The following TRIM66 variants were observed in gnomAD, a reference collection of about 807,000 sequenced individuals.
TRIM66 encodes the protein tripartite motif containing 66.
Under a neutral mutation model 148.2 loss-of-function variants are expected in TRIM66, and 99 were observed. That is an observed-to-expected ratio of 0.67 (90% confidence interval 0.57 to 0.79). The LOEUF is 0.79. Among genes scored for constraint, TRIM66 ranks in the 30% least tolerant of loss-of-function variants. The pLI, the probability that TRIM66 is intolerant of heterozygous loss-of-function variation, is 0.00. For synonymous variants in TRIM66, 616 were observed against 635.9 expected (o/e 0.97, Z 0.47); for missense variants, 1,666 against 1,697.9 (o/e 0.98, Z 0.33).
chr11:8,627,168 C>T (rs113431845), intron 15 of TRIM66, among the ~76,000 whole-genome samples: 2,618 of 152,240 alleles, frequency 0.017, 84 homozygotes, highest in African/African-American at 0.061. Flanking sequence ...CATTAGGGTA[C>T]GGATTTTTAT....
At chr11:8,644,600 CT>C (rs1263582529) in intron 12 of TRIM66, among the ~76,000 whole-genome samples, 1 of 152,168 alleles carries the variant, frequency 6.6e-6, no homozygotes, top group Admixed American at 6.5e-5. Flanking sequence ...CTTCCTCCTG[CT>C]TTCTCAGTGT....
chr11:8,621,831 C>G lies in TRIM66; in HGVS notation c.3081-12G>C, dbSNP rs775097664. 6.5e-7 allele frequency: 1 copy of G among 1,532,452 alleles called. No individual in the cohort carries two copies. Among genetic ancestry groups the G allele is most frequent in the Non-Finnish European group, 8.8e-7 (1 of 1,138,974 alleles). 94.9% of individuals were successfully genotyped at this position (1,532,452 alleles called of 1,614,324 possible). On this transcript the variant is annotated splice_polypyrimidine_tract_variant and intron_variant, in intron 18 of 24. Coordinates refer to ENST00000646038, the MANE Select transcript of TRIM66 (RefSeq NM_001388022.1). ...CACTATTGAAGGCTCTGCAGCAAGA[C>G]AGACACCCCGGGGTCTTGGTGGGAT... is the stretch of plus-strand genomic sequence containing the variant.
At chr11:8,646,401 G>A (rs111384522) in intron 11 of TRIM66, 46 bp downstream of exon 11, 19 of 1,471,006 alleles carry the variant, frequency 1.3e-5, no homozygotes, top group East Asian at 7.4e-5. Flanking sequence ...CTTGATATAT[G>A]GATGGTTTCT....
chr11:8,674,045 A>G (rs1592213277), intron 4 of TRIM66, among the ~76,000 whole-genome samples: 2 of 152,380 alleles, frequency 1.3e-5, no homozygotes, highest in Non-Finnish European at 2.9e-5. Context: ...AAACAGCCAT[A>G]GCAGCAGCAT....
intron 15 of TRIM66, among the ~76,000 whole-genome samples, chr11:8,628,696 C>G (rs1162084406): frequency 4.6e-5 from 7 of 150,696 alleles, no homozygotes; most frequent in Non-Finnish European, 1.0e-4. Context: ...TTGTCTCCCT[C>G]CATACCTCTC....
At chr11:8,622,456 C>G (rs899911353) in intron 18 of TRIM66, among the ~76,000 whole-genome samples, 48 of 149,674 alleles carry the variant, frequency 3.2e-4, no homozygotes, top group African/African-American at 1.2e-3. Flanking sequence ...TCCAGATCCT[C>G]TTGGATTTGG....
In TRIM66 at chr11:8,614,052, G is replaced by C. The variant is rs1177509641; in HGVS notation, c.*3892C>G. 2.0e-5 allele frequency: 3 copies of C among 152,416 alleles called. No individual in the cohort carries two copies. The highest frequency in any genetic ancestry group is 4.4e-5 in the Non-Finnish European group (3 of 68,246). 9.4% of individuals were successfully genotyped at this position (152,416 alleles called of 1,614,324 possible). A position where few individuals can be genotyped will look rare whatever the true frequency, so the allele number is the denominator to read the frequency against. On this transcript the variant is annotated 3_prime_UTR_variant, in exon 25 of 25. Transcript: ENST00000646038. ...TGATAGTTTCAGCAAAATTGAAGGG[G>C]ATACGCCTGGCGCAGTGGCTCACGC...
intron 17 of TRIM66, among the ~76,000 whole-genome samples, 164 bp from the exon 18 acceptor site, chr11:8,623,040 C>T (rs1333197417): frequency 6.6e-6 from 1 of 152,168 alleles, no homozygotes; most frequent in Non-Finnish European, 1.5e-5. Context: ...ACAAGTCTGC[C>T]GTGGATCTCC....
At chr11:8,641,824 TC>T (rs1047774378) in intron 13 of TRIM66, among the ~76,000 whole-genome samples, 15 of 152,122 alleles carry the variant, frequency 9.9e-5, no homozygotes, top group African/African-American at 3.4e-4. Context: ...AGACCTGATT[TC>T]TTTAAAGTGT....
chr11:8,649,961 A>AC, intron 7 of TRIM66, 74 bp from the exon 8 acceptor site: 1 of 1,496,456 alleles, frequency 6.7e-7, no homozygotes, highest in Middle Eastern at 1.7e-4. Flanking sequence ...TAAATGCTCT[A>AC]AAGACAGGGG....
In TRIM66 at chr11:8,616,379, G is replaced by C. The variant is rs10769933; in HGVS notation, c.*1565C>G. 121,356 of 152,222 alleles carry C rather than the reference G, an allele frequency of 0.8. 48,519 individuals are homozygous for C. Among genetic ancestry groups the C allele is most frequent in the South Asian group, 0.83 (4,028 of 4,824 alleles). 9.4% of individuals were successfully genotyped at this position (152,222 alleles called of 1,614,324 possible). On this transcript the variant is annotated 3_prime_UTR_variant, in exon 25 of 25. Transcript: ENST00000646038. ...ACAAGAACATCCTTGAACTTCATCT[G>C]TTAGCAAAAATAAAGCCATGACCTC... is the stretch of plus-strand genomic sequence containing the variant.
At chr11:8,618,100 G>A (rs1038911586) in intron 24 of TRIM66, 97 bp from the exon 25 acceptor site, 8 of 1,190,030 alleles carry the variant, frequency 6.7e-6, no homozygotes, top group Admixed American at 4.0e-5. Context: ...CCAAGTCAAC[G>A]TATTTTATTC....
rs1308949662 is a variant in TRIM66, at chr11:8,613,830, G to A, written c.*4114C>T. The A allele has an allele frequency of 6.6e-6, 1 of 152,192 alleles. No individual in the cohort carries two copies. Among genetic ancestry groups the A allele is most frequent in the Non-Finnish European group, 1.5e-5 (1 of 68,054 alleles). 9.4% of individuals were successfully genotyped at this position (152,192 alleles called of 1,614,324 possible). On this transcript the variant is annotated 3_prime_UTR_variant, in exon 25 of 25. Transcript: ENST00000646038. ...TGCTTTAGGGGCTGTCTTCTGTGAA[G>A]TAGACAGTGAGCTCAGTCATTTGTG...
intron 6 of TRIM66, among the ~76,000 whole-genome samples, chr11:8,657,629 T>A (rs1401845029): frequency 6.6e-6 from 1 of 152,074 alleles, no homozygotes; most frequent in Non-Finnish European, 1.5e-5. Context: ...ACACTCTAGT[T>A]GTATCCTCTG....
At position 8,668,669 on chromosome 11, in the gene TRIM66, T is replaced by C. The variant is rs546081738; in HGVS notation, c.340+3117A>G. Among the ~76,000 whole-genome samples the C allele has an allele frequency of 7.9e-5, 12 of 152,012 alleles. No homozygotes were observed. In the South Asian group the frequency reaches 1.0e-3, roughly 13 times the overall value. ...GGTGCCATCTCGGCTCACTGCAATC[T>C]CCGCCTCCCGGGTTCACACCATTGT... On this transcript the variant is annotated intron_variant, in intron 6 of 24. Transcript: ENST00000646038.
rs1488876736 is a variant in TRIM66 at position 8,618,776 on chromosome 11, G to C, written c.4093C>G (p.Gln1365Glu). The C allele has an allele frequency of 6.4e-7, 1 of 1,550,850 alleles. No individual in the cohort carries two copies. The highest frequency in any genetic ancestry group is 8.7e-7 in the Non-Finnish European group (1 of 1,146,810). Residue 1365 changes from glutamine (Q) to glutamate (E), a missense_variant, in exon 24 of 25, where the codon CAA becomes GAA. Transcript: ENST00000646038. ...PWPPYMQEGI[Q>E]PKRRRRHMEN... The stretch of plus-strand genomic sequence containing the variant: ...ATATGTCGTCGCCGCCTCTTGGGTT[G>C]GATGCCCTCCTGCATGTAGGGAGGC...
At chr11:8,645,971 G>T in intron 11 of TRIM66, 84 bp from the exon 12 acceptor site, 1 of 1,343,226 alleles carries the variant, frequency 7.4e-7, no homozygotes, top group Non-Finnish European at 1.0e-6. Flanking sequence ...GCTTGTGTGT[G>T]TCACTGATGG....
At position 8,621,789 on chromosome 11, in the gene TRIM66, A is replaced by G. The variant is rs1376078996; in HGVS notation, c.3111T>C (p.Tyr1037=). The G allele has an allele frequency of 6.5e-6, 10 of 1,550,146 alleles. No individual in the cohort carries two copies. The highest frequency in any genetic ancestry group is 7.8e-6 in the Non-Finnish European group (9 of 1,146,518). ...AGATCTTGAGTCGCTCCAGTCGCACATAGGGAATCTTATGCTCACTATTGA... is the reference window on the plus strand; with the variant it reads ...AGATCTTGAGTCGCTCCAGTCGCACGTAGGGAATCTTATGCTCACTATTGA... ...RAFNSEHKIP[Y]VRLERLKICA... The change falls in exon 19 of 25, where the codon TAT becomes TAC. Residue 1037 remains tyrosine (Y), a synonymous_variant. Transcript: ENST00000646038.
Position 8,646,548 on chromosome 11 carries a change from T to A in TRIM66, c.856A>T (p.Lys286Ter). Residue 286 changes from lysine to a stop codon, truncating the protein, a stop_gained, in exon 11 of 25, where the codon AAG (lysine) becomes TAG (stop). Coordinates refer to ENST00000646038, the MANE Select transcript of TRIM66 (RefSeq NM_001388022.1). LOFTEE classifies it high-confidence loss of function. ...TTTTCCACCTTCCTATGCTGATGCT[T>A]CACTTCAAAAATCCTGTAAACACAA... ...KQIEDRIFEV[K>*]HQHRKVENQI... The A allele has an allele frequency of 6.4e-7, 1 of 1,551,784 alleles. No individual in the cohort carries two copies. Among genetic ancestry groups the A allele is most frequent in the East Asian group, 2.4e-5 (1 of 40,912 alleles).
Sources: allele counts gnomAD v4.1 joint callset (sites outside exome capture counted in the v4.1 genomes callset), GRCh38; gene constraint gnomAD v4.1.1; transcripts MANE v1.5; gene names NCBI Gene and HGNC (gene_info 2026-07-23, HGNC 2026-07-21).